The following MAP7 variants were observed in gnomAD, a reference collection of about 807,000 sequenced individuals.
The protein encoded by MAP7 is ensconsin.
Under a neutral mutation model 94.8 loss-of-function variants are expected in MAP7, and 52 were observed. The observed-to-expected ratio is 0.55, with a 90% CI of 0.44 to 0.69. The LOEUF is 0.69. MAP7 is among the 30% of genes least tolerant of loss of function. MAP7 has a pLI of 0.00. For synonymous variants in MAP7, 350 were observed against 357.0 expected (o/e 0.98, Z 0.22); for missense variants, 940 against 964.6 (o/e 0.97, Z 0.34).
intron 1 of MAP7, among the ~76,000 whole-genome samples, chr6:136,484,887 G>T (rs1814127827): frequency 6.6e-6 from 1 of 151,986 alleles, no homozygotes; most frequent in South Asian, 2.1e-4. Context: ...TAGAGCAAGG[G>T]TCTTACTATG....
At chr6:136,384,462 G>T (rs1405457513) in intron 5 of MAP7, among the ~76,000 whole-genome samples, 3 of 151,486 alleles carry the variant, frequency 2.0e-5, no homozygotes, top group Non-Finnish European at 4.4e-5. Context: ...CAATAGCATT[G>T]TTCATCCTAT....
intron 1 of MAP7, among the ~76,000 whole-genome samples, chr6:136,540,695 A>G (rs1412823606): frequency 6.6e-6 from 1 of 152,218 alleles, no homozygotes; most frequent in Admixed American, 6.5e-5. Context: ...CACACACCAC[A>G]ATAGTCAAAT....
At chr6:136,411,519 C>T (rs771389086) in intron 3 of MAP7, 101 bp downstream of exon 3, 119 of 942,778 alleles carry the variant, frequency 1.3e-4, no homozygotes, top group Non-Finnish European at 1.8e-4. Context: ...CTAAATTCTG[C>T]CTCATAGTCC....
At chr6:136,412,932 G>A (rs557389876) in intron 2 of MAP7, among the ~76,000 whole-genome samples, 18 of 152,128 alleles carry the variant, frequency 1.2e-4, no homozygotes, top group African/African-American at 3.6e-4. Context: ...AGGCCGAGGC[G>A]GGTGGATTGC....
At chr6:136,385,039 G>C (rs1778819493) in intron 5 of MAP7, among the ~76,000 whole-genome samples, 1 of 152,108 alleles carries the variant, frequency 6.6e-6, no homozygotes, top group South Asian at 2.1e-4. Flanking sequence ...TTATTTTTCT[G>C]TTGTTACCTG....
At chr6:136,443,838 TAAAG>T (rs879355322) in intron 1 of MAP7, among the ~76,000 whole-genome samples, 9 of 152,128 alleles carry the variant, frequency 5.9e-5, no homozygotes, top group Non-Finnish European at 1.3e-4. Flanking sequence ...GAAGTGTCAC[TAAAG>T]AAATGAGAGA....
chr6:136,391,076 C>T (rs570170814), intron 3 of MAP7, among the ~76,000 whole-genome samples: 2 of 152,312 alleles, frequency 1.3e-5, no homozygotes, highest in Non-Finnish European at 2.9e-5. Flanking sequence ...TAAAAATTCA[C>T]TTCAATAAAA....
At chr6:136,537,135 C>T (rs1828948466) in intron 1 of MAP7, among the ~76,000 whole-genome samples, 1 of 150,570 alleles carries the variant, frequency 6.6e-6, no homozygotes, top group African/African-American at 2.4e-5. Flanking sequence ...TGGTTGGAAA[C>T]TTTCTCTTTC....
At chr6:136,521,160 G>T (rs1486057426) in intron 1 of MAP7, among the ~76,000 whole-genome samples, 2 of 152,126 alleles carry the variant, frequency 1.3e-5, no homozygotes, top group Non-Finnish European at 2.9e-5. Flanking sequence ...ATTTTTCAAG[G>T]GAAGCTGAAA....
At chr6:136,453,161 A>G (rs1801712322) in intron 1 of MAP7, among the ~76,000 whole-genome samples, 1 of 152,200 alleles carries the variant, frequency 6.6e-6, no homozygotes, top group Non-Finnish European at 1.5e-5. Context: ...GTTCTTGCCA[A>G]CTGAGAACTC....
chr6:136,543,829 C>T (rs1380281971), intron 1 of MAP7, among the ~76,000 whole-genome samples: 1 of 151,952 alleles, frequency 6.6e-6, no homozygotes, highest in Non-Finnish European at 1.5e-5. Flanking sequence ...GCAGAGGACT[C>T]TTTGGGATAA....
chr6:136,344,655 T>C (rs900677917), intron 17 of MAP7, among the ~76,000 whole-genome samples: 2 of 152,258 alleles, frequency 1.3e-5, no homozygotes, highest in Non-Finnish European at 2.9e-5. Context: ...GAAGCTGCAC[T>C]GGGCATGTTT....
chr6:136,400,750 T>G (rs1294509663), intron 3 of MAP7, among the ~76,000 whole-genome samples: 1 of 152,188 alleles, frequency 6.6e-6, no homozygotes, highest in Non-Finnish European at 1.5e-5. Context: ...GGATTTTCAT[T>G]CAGCTCTGAC....
chr6:136,521,323 T>C (rs184926260), intron 1 of MAP7, among the ~76,000 whole-genome samples: 17 of 152,254 alleles, frequency 1.1e-4, no homozygotes, highest in East Asian at 1.9e-4. Flanking sequence ...GATATTTCCA[T>C]TGGAAAGATG....
chr6:136,394,409 AC>A (rs565145240), intron 3 of MAP7, among the ~76,000 whole-genome samples: 79 of 151,802 alleles, frequency 5.2e-4, no homozygotes, highest in African/African-American at 1.9e-3. Flanking sequence ...ATAACCAGTT[AC>A]CTATTGATAG....
chr6:136,511,719 TG>T (rs1823345125), intron 1 of MAP7, among the ~76,000 whole-genome samples: 1 of 152,180 alleles, frequency 6.6e-6, no homozygotes, highest in African/African-American at 2.4e-5. Context: ...AAGAGCTCAG[TG>T]GGAGTTTAAA....
intron 8 of MAP7, 48 bp from the exon 9 acceptor site, chr6:136,366,487 A>C (rs778752220): frequency 6.3e-6 from 8 of 1,275,066 alleles, no homozygotes; most frequent in African/African-American, 1.5e-5. Flanking sequence ...AAGCGAGGCA[A>C]ACACACTCAC....
At chr6:136,544,588 G>A (rs766905799) in intron 1 of MAP7, among the ~76,000 whole-genome samples, 14 of 152,014 alleles carry the variant, frequency 9.2e-5, no homozygotes, top group Non-Finnish European at 1.8e-4. Context: ...TTTACAGGTC[G>A]TCTCACCCCT....
At chr6:136,426,931 A>T (rs1793338759) in intron 1 of MAP7, among the ~76,000 whole-genome samples, 1 of 152,244 alleles carries the variant, frequency 6.6e-6, no homozygotes, top group Non-Finnish European at 1.5e-5. Context: ...AAATGAATTT[A>T]AAAAGGATCT....
Sources: gnomAD v4.1 joint callset for allele counts (sites outside exome capture counted in the v4.1 genomes callset) on GRCh38, gnomAD v4.1.1 for gene constraint, MANE v1.5 for transcripts, NCBI Gene and HGNC (gene_info 2026-07-23, HGNC 2026-07-21) for gene names.